MGRN1: variants seen among roughly 807,000 people sequenced by gnomAD.
The protein encoded by MGRN1 is mahogunin ring finger 1, also known as E3 ubiquitin-protein ligase MGRN1.
Under a neutral mutation model 69.2 loss-of-function variants are expected in MGRN1, and 29 were observed. The observed-to-expected ratio is 0.42, with a 90% CI of 0.31 to 0.57. The LOEUF is 0.57. MGRN1 is among the 20% of genes least tolerant of loss of function. The pLI, the probability that MGRN1 is intolerant of heterozygous loss-of-function variation, is 0.15. For synonymous variants in MGRN1, 470 were observed against 344.2 expected (o/e 1.37, Z -4.04); for missense variants, 998 against 796.2 (o/e 1.25, Z -3.05).
At chr16:4,668,951 C>T (rs1293694181) in intron 8 of MGRN1, among the ~76,000 whole-genome samples, 1 of 152,106 alleles carries the variant, frequency 6.6e-6, no homozygotes, top group Non-Finnish European at 1.5e-5. Flanking sequence ...CACACATATA[C>T]ATAGACACAC....
intron 1 of MGRN1, among the ~76,000 whole-genome samples, chr16:4,626,556 A>G (rs111545318): frequency 1.3e-5 from 2 of 152,232 alleles, no homozygotes; most frequent in East Asian, 1.9e-4. Flanking sequence ...AGCTGCTACA[A>G]TTGCTCATAA....
chr16:4,654,782 G>T (rs73516868), intron 4 of MGRN1, among the ~76,000 whole-genome samples: 3,324 of 152,316 alleles, frequency 0.022, 70 homozygotes, highest in African/African-American at 0.054. Flanking sequence ...GGGGCTGGTG[G>T]AGACGACTTA....
chr16:4,668,393 A>G lies in MGRN1; in HGVS notation c.726+81A>G. On this transcript the variant is annotated intron_variant, in intron 8 of 16. Transcript: ENST00000262370. ...CACTCACACGCATACTCATACATAG[A>G]CACACACTCATACACACGCACATAT... 2.8e-6 allele frequency: 4 copies of G among 1,425,702 alleles called. No homozygotes were observed. The South Asian group carries it at 3.5e-5, about 13-fold the overall frequency. The allele number at this position is 1,425,702 out of a possible 1,614,324, so 88.3% of individuals were successfully genotyped here.
rs58001283 is a variant in MGRN1, at chr16:4,669,431, C to CAAAAA, written c.726+1132_726+1136dup. 1.2e-4 allele frequency among the ~76,000 whole-genome samples: 11 copies of CAAAAA among 92,996 alleles called. 1 individual carries two copies. The highest frequency in any genetic ancestry group is 3.9e-4 in the East Asian group (1 of 2,540). 61.0% of individuals were successfully genotyped at this position (92,996 alleles called of 152,430 possible). A position where few individuals can be genotyped will look rare whatever the true frequency, so the allele number is the denominator to read the frequency against. On this transcript the variant is annotated intron_variant, in intron 8 of 16. Coordinates refer to ENST00000262370, the MANE Select transcript of MGRN1 (RefSeq NM_015246.4). ...CCTGGGTGACAGAGGAAGACTGTGT[C>CAAAAA]AAAAAAAAAAAAAAAAAGCTGTGCA... is the stretch of plus-strand genomic sequence containing the variant.
chr16:4,646,357 A>T (rs2078274540), intron 1 of MGRN1, among the ~76,000 whole-genome samples: 1 of 151,860 alleles, frequency 6.6e-6, no homozygotes, highest in African/African-American at 2.4e-5. Flanking sequence ...TGAGCTCAGG[A>T]GGTCCAAGGC....
intron 1 of MGRN1, among the ~76,000 whole-genome samples, chr16:4,629,919 G>A (rs551414173): frequency 3.3e-5 from 5 of 149,740 alleles, no homozygotes; most frequent in African/African-American, 9.9e-5. Context: ...AATGGCGCAC[G>A]CCCGTAATCC....
rs201759574 is a variant in MGRN1 at position 4,664,781 on chromosome 16, T to C, written c.628+6T>C. The C allele has an allele frequency of 3.6e-5, 58 of 1,614,068 alleles. No individual in the cohort carries two copies. Among genetic ancestry groups the C allele is most frequent in the Middle Eastern group, 3.3e-4 (2 of 6,062 alleles). Reference sequence around the variant, plus strand: ...TGTGGTGGACGAAGGAGATGGTGAGTGCGTCCTCTTCCGTCCTCCTGGGCG... The same window carrying C: ...TGTGGTGGACGAAGGAGATGGTGAGCGCGTCCTCTTCCGTCCTCCTGGGCG... On this transcript the variant is annotated splice_donor_region_variant and intron_variant, in intron 6 of 16. Coordinates refer to ENST00000262370, the MANE Select transcript of MGRN1 (RefSeq NM_015246.4).
chr16:4,651,569 G>A (rs1439431183), intron 2 of MGRN1, among the ~76,000 whole-genome samples: 2 of 152,112 alleles, frequency 1.3e-5, no homozygotes, highest in East Asian at 3.9e-4. Context: ...AACTTTGGGG[G>A]CCCTGGGGCG....
chr16:4,675,874 T>C (rs1041512252), intron 10 of MGRN1, among the ~76,000 whole-genome samples: 2 of 152,240 alleles, frequency 1.3e-5, no homozygotes, highest in African/African-American at 4.8e-5. Context: ...GTTCTGAGTG[T>C]CTTCCAGTAG....
intron 11 of MGRN1, among the ~76,000 whole-genome samples, chr16:4,678,076 G>C (rs1198579958): frequency 6.6e-6 from 1 of 152,132 alleles, no homozygotes; most frequent in Non-Finnish European, 1.5e-5. Flanking sequence ...CGAACTCTTG[G>C]GCTCAAGTGC....
At chr16:4,682,136 C>T (rs555691796) in intron 13 of MGRN1, among the ~76,000 whole-genome samples, 135 of 152,328 alleles carry the variant, frequency 8.9e-4, no homozygotes, top group African/African-American at 3.1e-3. Flanking sequence ...GGGCTGGCCA[C>T]GTAGGCCCAC....
intron 1 of MGRN1, chr16:4,640,619 G>A (rs112609706): frequency 3.9e-5 from 6 of 152,314 alleles, no homozygotes; most frequent in African/African-American, 7.2e-5. Context: ...GAGTGTGTTG[G>A]TTCCACATAG....
At chr16:4,668,423 A>C in intron 8 of MGRN1, 111 bp downstream of exon 8, 75 of 1,044,072 alleles carry the variant, frequency 7.2e-5, no homozygotes, top group Middle Eastern at 2.1e-4. Context: ...ACATATACTC[A>C]TACACGCTCA....
chr16:4,642,400 C>A (rs549447097), intron 1 of MGRN1, among the ~76,000 whole-genome samples: 1 of 151,726 alleles, frequency 6.6e-6, no homozygotes, highest in South Asian at 2.1e-4. Flanking sequence ...TGAGTTCAAG[C>A]GATTCTCCTG....
chr16:4,647,058 C>T (rs909462226), intron 1 of MGRN1, among the ~76,000 whole-genome samples: 3 of 152,244 alleles, frequency 2.0e-5, no homozygotes, highest in Admixed American at 1.3e-4. Flanking sequence ...GTGCCCCCGA[C>T]GATGGGTCCT....
chr16:4,686,411 C>T, intron 16 of MGRN1: 2 of 1,461,794 alleles, frequency 1.4e-6, no homozygotes, highest in Non-Finnish European at 1.8e-6. Flanking sequence ...GGGTCTTCGT[C>T]CGCATCCGCA....
chr16:4,632,160 G>A (rs1209562141), intron 1 of MGRN1, among the ~76,000 whole-genome samples: 1 of 150,926 alleles, frequency 6.6e-6, no homozygotes, highest in East Asian at 2.0e-4. Flanking sequence ...GGGACTACAG[G>A]TGCATGCCAC....
chr16:4,677,373 TGG>T, intron 10 of MGRN1, 88 bp from the exon 11 acceptor site: 3 of 951,368 alleles, frequency 3.2e-6, no homozygotes, highest in Non-Finnish European at 3.0e-6. Flanking sequence ...CCCTATGGTG[TGG>T]GGGGGGTGTT....
At chr16:4,654,278 A>G (rs2078478910) in intron 4 of MGRN1, among the ~76,000 whole-genome samples, 1 of 152,140 alleles carries the variant, frequency 6.6e-6, no homozygotes, top group African/African-American at 2.4e-5. Context: ...GGCTCCTAGC[A>G]CCCCTGTTGC....
Sources: allele counts gnomAD v4.1 joint callset (sites outside exome capture counted in the v4.1 genomes callset), GRCh38; gene constraint gnomAD v4.1.1; transcripts MANE v1.5; gene names NCBI Gene and HGNC (gene_info 2026-07-23, HGNC 2026-07-21).